The following MAP3K7 variants were observed in gnomAD, a reference collection of about 807,000 sequenced individuals.
MAP3K7 encodes mitogen-activated protein kinase kinase kinase 7.
Under a neutral mutation model 84.8 loss-of-function variants are expected in MAP3K7, and 21 were observed. That is an observed-to-expected ratio of 0.25 (90% CI 0.18 to 0.36). MAP3K7 has a LOEUF of 0.36. MAP3K7 is among the 10% of genes least tolerant of loss of function. MAP3K7 has a pLI of 1.00. For missense variants in MAP3K7, 503 were observed against 747.7 expected (o/e 0.67, Z 3.82); for synonymous variants, 241 against 247.7 (o/e 0.97, Z 0.25).
At position 90,552,096 on chromosome 6, in the gene MAP3K7, G is replaced by A. The variant is rs2127974439; in HGVS notation, c.820C>T (p.Arg274Cys). 1.2e-6 allele frequency: 2 copies of A among 1,612,634 alleles called. No homozygotes were observed. Among genetic ancestry groups the A allele is most frequent in the Non-Finnish European group, 1.7e-6 (2 of 1,178,970 alleles). The change falls in exon 8 of 17, where the codon CGC (arginine) becomes TGC (cysteine). Residue 274 changes from arginine (R) to cysteine (C), a missense_variant. Arg to Cys is a radical substitution (Grantham distance 180, BLOSUM62 -3). This residue lies in a region of MAP3K7 where 286 missense variants were observed against 313.6 expected (regional missense o/e 0.91). Coordinates refer to ENST00000369329, the MANE Select transcript of MAP3K7 (RefSeq NM_145331.3). ...TTCACAATTTCCTCCATTGAAGGGC[G>A]CTGGGAAGGATCTTTAGACCAACAA... ...TRCWSKDPSQRPSMEEIVKIM... is the reference protein window; with the variant it reads ...TRCWSKDPSQCPSMEEIVKIM...
chr6:90,583,082 C>T (rs965305241), intron 1 of MAP3K7, among the ~76,000 whole-genome samples: 3 of 152,002 alleles, frequency 2.0e-5, no homozygotes, highest in African/African-American at 4.8e-5. Context: ...GGGGTTTCTC[C>T]GTGTTGGCCA....
chr6:90,553,534 C>T lies in MAP3K7; in HGVS notation c.660G>A (p.Trp220Ter), dbSNP rs772534247. ...CDVFSWGIIL[W>*]EVITRRKPFD... Reference sequence around the variant, plus strand: ...AGGGTTTCCGACGCGTTATCACTTCCCAAAGAATAATACCCCAGCTGAAGA... The same window carrying T: ...AGGGTTTCCGACGCGTTATCACTTCTCAAAGAATAATACCCCAGCTGAAGA... Residue 220 changes from tryptophan to a stop codon, truncating the protein, a stop_gained, in exon 7 of 17, where the codon TGG becomes TGA. Coordinates refer to ENST00000369329, the MANE Select transcript of MAP3K7 (RefSeq NM_145331.3). LOFTEE classifies it high-confidence loss of function. 6.2e-7 allele frequency: 1 copy of T among 1,613,838 alleles called. No individual in the cohort carries two copies. The highest frequency in any genetic ancestry group is 1.1e-5 in the South Asian group (1 of 91,060).
At position 90,568,591 on chromosome 6, in the gene MAP3K7, A is replaced by G; in HGVS notation, c.264T>C (p.Asn88=). The change falls in exon 3 of 17, where the codon AAT becomes AAC. Residue 88 remains asparagine, a synonymous_variant. Coordinates refer to ENST00000369329, the MANE Select transcript of MAP3K7 (RefSeq NM_145331.3). Reference sequence around the variant, plus strand: ...AGCAGGCTCCATAAAGCTTTACAATATTAGGATGGTTCACACGGGATAACT... The same window carrying G: ...AGCAGGCTCCATAAAGCTTTACAATGTTAGGATGGTTCACACGGGATAACT... ...LRQLSRVNHP[N]IVKLYGACLN... 1 of 1,609,308 alleles carries G rather than the reference A, an allele frequency of 6.2e-7. No individual in the cohort carries two copies. The highest frequency in any genetic ancestry group is 8.5e-7 in the Non-Finnish European group (1 of 1,178,928).
chr6:90,580,798 C>T (rs1479527624), intron 1 of MAP3K7, among the ~76,000 whole-genome samples: 1 of 152,080 alleles, frequency 6.6e-6, no homozygotes. Context: ...CAGAGGAATG[C>T]AAAAAGGACT....
At chr6:90,545,820 C>T (rs951102872) in intron 11 of MAP3K7, among the ~76,000 whole-genome samples, 2 of 152,122 alleles carry the variant, frequency 1.3e-5, no homozygotes, top group Non-Finnish European at 2.9e-5. Flanking sequence ...CTTGGAGCTA[C>T]GTGTAGCCAT....
intron 12 of MAP3K7, chr6:90,542,593 A>C: frequency 1.6e-6 from 1 of 606,542 alleles, no homozygotes; most frequent in Non-Finnish European, 2.1e-6. Flanking sequence ...CAAAAAATGG[A>C]TGTGACTTGG....
At chr6:90,562,587 G>A (rs927741393) in intron 3 of MAP3K7, among the ~76,000 whole-genome samples, 7 of 152,196 alleles carry the variant, frequency 4.6e-5, no homozygotes, top group Non-Finnish European at 7.4e-5. Flanking sequence ...AGTTCGAACT[G>A]GGTGGAGCCC....
At chr6:90,548,832 G>T (rs549998889) in intron 9 of MAP3K7, among the ~76,000 whole-genome samples, 1 of 151,264 alleles carries the variant, frequency 6.6e-6, no homozygotes, top group Non-Finnish European at 1.5e-5. Context: ...AGTGCTGTCT[G>T]TAAGAAGGAG....
intron 13 of MAP3K7, among the ~76,000 whole-genome samples, chr6:90,530,184 C>CAGGGT (rs1181661255): frequency 1.3e-5 from 2 of 152,060 alleles, no homozygotes; most frequent in Admixed American, 6.5e-5. Context: ...GGTGGCAGAC[C>CAGGGT]AGGGTTTCAG....
chr6:90,516,171 G>T lies in MAP3K7; in HGVS notation c.*330C>A. The T allele has an allele frequency of 6.9e-6, 2 of 288,292 alleles. No homozygotes were observed. Among genetic ancestry groups the T allele is most frequent in the Non-Finnish European group, 6.5e-6 (1 of 154,744 alleles). 17.9% of individuals were successfully genotyped at this position (288,292 alleles called of 1,614,324 possible). On this transcript the variant is annotated 3_prime_UTR_variant, in exon 17 of 17. Transcript: ENST00000369329. ...AAAAAATGGACGCTGTTTGCACATA[G>T]CAGCTAGTTTGATACCTCCTGTTCT...
chr6:90,519,985 A>G (rs1775095632), intron 14 of MAP3K7, among the ~76,000 whole-genome samples: 1 of 152,084 alleles, frequency 6.6e-6, no homozygotes, highest in Admixed American at 6.6e-5. Flanking sequence ...TCAAACAATC[A>G]GTCAATTTTA....
chr6:90,554,389 C>G (rs1776271991), intron 6 of MAP3K7, among the ~76,000 whole-genome samples: 1 of 152,114 alleles, frequency 6.6e-6, no homozygotes, highest in African/African-American at 2.4e-5. Flanking sequence ...TTATGGATAA[C>G]CTGAGTTACA....
At chr6:90,541,171 T>C (rs1352477760) in intron 12 of MAP3K7, among the ~76,000 whole-genome samples, 1 of 152,032 alleles carries the variant, frequency 6.6e-6, no homozygotes, top group South Asian at 2.1e-4. Flanking sequence ...TTTCTTCAAA[T>C]ATAAATGTAA....
rs11468988 is a variant in MAP3K7 at position 90,576,419 on chromosome 6, TCACACACACACACACACA to T, written c.121-4630_121-4613del. On this transcript the variant is annotated intron_variant, in intron 1 of 16. Coordinates refer to ENST00000369329, the MANE Select transcript of MAP3K7 (RefSeq NM_145331.3). ...GCCTGGGCAACAGAGCTAGACTCTG[TCACACACACACACACACA>T]CACACACACACACACACACACACAC... Among the ~76,000 whole-genome samples, 909 of 136,950 alleles carry T rather than the reference TCACACACACACACACACA, an allele frequency of 6.6e-3. 10 individuals are homozygous for T. The highest frequency in any genetic ancestry group is 0.023 in the African/African-American group (824 of 36,484). 89.8% of individuals were successfully genotyped at this position (136,950 alleles called of 152,430 possible). A position where few individuals can be genotyped will look rare whatever the true frequency, so the allele number is the denominator to read the frequency against.
chr6:90,560,087 C>T lies in MAP3K7; in HGVS notation c.471G>A (p.Leu157=). The change falls in exon 5 of 17, where the codon CTG becomes CTA. Residue 157 remains leucine, a synonymous_variant. Transcript: ENST00000369329. ...TTATTATAACTTACTTTGGTGGTTT[C>T]AGGTCCCTGTGAATTAGCGCTTTGG... ...MQPKALIHRD[L]KPPNLLLVAG... 6.2e-7 allele frequency: 1 copy of T among 1,614,094 alleles called. No homozygotes were observed. Among genetic ancestry groups the T allele is most frequent in the Non-Finnish European group, 8.5e-7 (1 of 1,180,014 alleles).
chr6:90,516,430 TTATA>T lies in MAP3K7; in HGVS notation c.*67_*70del. 6.7e-7 allele frequency: 1 copy of T among 1,499,034 alleles called. No individual in the cohort carries two copies. Among genetic ancestry groups the T allele is most frequent in the Non-Finnish European group, 9.1e-7 (1 of 1,094,054 alleles). The allele number at this position is 1,499,034 out of a possible 1,614,324, so 92.9% of individuals were successfully genotyped here. On this transcript the variant is annotated 3_prime_UTR_variant, in exon 17 of 17. Transcript: ENST00000369329. ...AAAAGCTAACACTCATGAATCGTCA[TTATA>T]AGGTTTTCCTTTCCTTAAAAAAAAA...
chr6:90,547,223 C>T (rs937780686), intron 11 of MAP3K7, 35 bp downstream of exon 11: 3 of 1,611,202 alleles, frequency 1.9e-6, no homozygotes, highest in Non-Finnish European at 2.5e-6. Flanking sequence ...GGCTTATATA[C>T]ATTTTCACTC....
At position 90,573,645 on chromosome 6, in the gene MAP3K7, G is replaced by C. The variant is rs141025537; in HGVS notation, c.121-1838C>G. Among the ~76,000 whole-genome samples the C allele has an allele frequency of 1.2e-4, 18 of 152,284 alleles. No homozygotes were observed. The East Asian group carries it at 3.3e-3, about 28-fold the overall frequency. The stretch of plus-strand genomic sequence containing the variant: ...ACATTTAATCCTCTTCCATTTAAAA[G>C]GGAGGCAAATGGAGTCACATGGTTG... On this transcript the variant is annotated intron_variant, in intron 1 of 16. Coordinates refer to ENST00000369329, the MANE Select transcript of MAP3K7 (RefSeq NM_145331.3).
intron 8 of MAP3K7, 108 bp from the exon 9 acceptor site, chr6:90,550,657 GT>G: frequency 1.6e-6 from 1 of 627,580 alleles, no homozygotes; most frequent in Non-Finnish European, 2.7e-6. Flanking sequence ...AGGTGCCTAA[GT>G]TTTTTATTTT....
Sources: allele counts gnomAD v4.1 joint callset (sites outside exome capture counted in the v4.1 genomes callset), GRCh38; gene constraint gnomAD v4.1.1; regional missense constraint gnomAD v4.1.1; transcripts MANE v1.5; gene names NCBI Gene and HGNC (gene_info 2026-07-23, HGNC 2026-07-21).